Variants in SLC10A7 observed in about 807,000 individuals in gnomAD.
SLC10A7 encodes solute carrier family 10 member 7, also known as sodium/bile acid cotransporter 7.
Under a neutral mutation model 43.2 loss-of-function variants are expected in SLC10A7, and 29 were observed. That is an observed-to-expected ratio of 0.67 (90% CI 0.50 to 0.92). The LOEUF (loss-of-function observed/expected upper bound fraction) is 0.92. Among genes scored for constraint, SLC10A7 ranks in the 40% least tolerant of loss-of-function variants. SLC10A7 has a pLI of 0.00. For missense variants in SLC10A7, 295 were observed against 403.2 expected (o/e 0.73, Z 2.30); for synonymous variants, 152 against 144.8 (o/e 1.05, Z -0.35).
intron 4 of SLC10A7, among the ~76,000 whole-genome samples, chr4:146,484,758 G>A (rs1008958841): frequency 2.0e-5 from 3 of 152,018 alleles, no homozygotes; most frequent in African/African-American, 7.2e-5. Flanking sequence ...TATCAGATTA[G>A]CATAAATCAG....
chr4:146,411,407 T>A (rs1162159812), intron 5 of SLC10A7, among the ~76,000 whole-genome samples: 2 of 152,214 alleles, frequency 1.3e-5, no homozygotes, highest in Non-Finnish European at 2.9e-5. Flanking sequence ...TAAATATTTT[T>A]AAATATCTGT....
chr4:146,325,899 T>G, intron 6 of SLC10A7, 62 bp downstream of exon 6: 1 of 1,446,986 alleles, frequency 6.9e-7, no homozygotes, highest in Non-Finnish European at 9.5e-7. Flanking sequence ...CTAATGACCT[T>G]TCTTAAAGGG....
chr4:146,319,258 T>C (rs1320701298), intron 6 of SLC10A7, among the ~76,000 whole-genome samples: 1 of 152,098 alleles, frequency 6.6e-6, no homozygotes, highest in Non-Finnish European at 1.5e-5. Flanking sequence ...CACCTTGGTG[T>C]TTCTTAAGGA....
intron 5 of SLC10A7, among the ~76,000 whole-genome samples, chr4:146,434,556 T>C (rs1229783432): frequency 6.6e-6 from 1 of 151,946 alleles, no homozygotes; most frequent in Non-Finnish European, 1.5e-5. Context: ...TTACGTGAAG[T>C]TGTTTTTATT....
intron 6 of SLC10A7, among the ~76,000 whole-genome samples, chr4:146,307,026 T>C (rs954797564): frequency 1.3e-5 from 2 of 152,154 alleles, no homozygotes; most frequent in Admixed American, 6.6e-5. Flanking sequence ...GGGTACAGAA[T>C]GTCAAACAAA....
intron 5 of SLC10A7, among the ~76,000 whole-genome samples, chr4:146,335,675 A>G (rs1443565400): frequency 6.6e-6 from 1 of 152,050 alleles, no homozygotes; most frequent in Non-Finnish European, 1.5e-5. Context: ...ATCAAATACC[A>G]CCACTGAGCT....
intron 4 of SLC10A7, among the ~76,000 whole-genome samples, chr4:146,491,030 G>C (rs1215835522): frequency 6.6e-6 from 1 of 152,196 alleles, no homozygotes; most frequent in Non-Finnish European, 1.5e-5. Context: ...ATCTGATTAA[G>C]GGTGAGTGTC....
At chr4:146,471,922 CA>C (rs1733604824) in intron 4 of SLC10A7, among the ~76,000 whole-genome samples, 1 of 152,108 alleles carries the variant, frequency 6.6e-6, no homozygotes, top group Non-Finnish European at 1.5e-5. Flanking sequence ...TCACTTATAT[CA>C]AATTCACGAA....
At chr4:146,360,884 C>A (rs1259276420) in intron 5 of SLC10A7, among the ~76,000 whole-genome samples, 2 of 152,058 alleles carry the variant, frequency 1.3e-5, no homozygotes, top group African/African-American at 4.8e-5. Flanking sequence ...TAGGAGTCAA[C>A]AAATATACAG....
At chr4:146,341,444 GAACT>G (rs1398361567) in intron 5 of SLC10A7, among the ~76,000 whole-genome samples, 3 of 151,792 alleles carry the variant, frequency 2.0e-5, no homozygotes, top group African/African-American at 7.2e-5. Context: ...TCTGTATTTT[GAACT>G]AACTTGAATC....
rs955811013 is a variant in SLC10A7, at chr4:146,476,472, G to A, written c.396+27377C>T. On this transcript the variant is annotated intron_variant, in intron 4 of 11. Coordinates refer to ENST00000335472, the MANE Select transcript of SLC10A7 (RefSeq NM_001029998.6). ...TCAGTCTTCTCTTTAGCAAATGCCC[G>A]TTTAAATTGTGTGTGTGTTGGTGTG... is the stretch of plus-strand genomic sequence containing the variant. 3.3e-5 allele frequency among the ~76,000 whole-genome samples: 5 copies of A among 152,018 alleles called. No homozygotes were observed. The East Asian group carries it at 5.8e-4, about 18-fold the overall frequency.
At chr4:146,354,099 T>C (rs1735364751) in intron 5 of SLC10A7, among the ~76,000 whole-genome samples, 1 of 148,406 alleles carries the variant, frequency 6.7e-6, no homozygotes. Flanking sequence ...AGTCAAATTG[T>C]CCCTGTTTGC....
chr4:146,368,380 A>C lies in SLC10A7; in HGVS notation c.436-42384T>G, dbSNP rs533099777. On this transcript the variant is annotated intron_variant, in intron 5 of 11. Coordinates refer to ENST00000335472, the MANE Select transcript of SLC10A7 (RefSeq NM_001029998.6). ...CTGAATAAGAGTTTGAAAGCTTAAC[A>C]GTACAAATGTTCTCTCCATGGTACT... Among the ~76,000 whole-genome samples the C allele has an allele frequency of 7.1e-4, 108 of 152,354 alleles. 4 individuals carry two copies. The South Asian group carries it at 0.021, about 30-fold the overall frequency.
intron 5 of SLC10A7, among the ~76,000 whole-genome samples, chr4:146,435,470 A>G (rs1363555725): frequency 6.6e-6 from 1 of 152,206 alleles, no homozygotes; most frequent in Non-Finnish European, 1.5e-5. Flanking sequence ...AACATTATTT[A>G]CTCCAACAGT....
chr4:146,485,016 G>A (rs981918281), intron 4 of SLC10A7, among the ~76,000 whole-genome samples: 11 of 152,182 alleles, frequency 7.2e-5, no homozygotes, highest in African/African-American at 2.4e-4. Context: ...AGAACAAACT[G>A]TATAGACCAA....
intron 4 of SLC10A7, among the ~76,000 whole-genome samples, chr4:146,469,235 C>T (rs1479872344): frequency 6.6e-6 from 1 of 152,126 alleles, no homozygotes; most frequent in African/African-American, 2.4e-5. Flanking sequence ...AAAATAGTAA[C>T]ATAGGGATGA....
chr4:146,408,416 G>A (rs1460662126), intron 5 of SLC10A7, among the ~76,000 whole-genome samples: 4 of 151,968 alleles, frequency 2.6e-5, no homozygotes, highest in Non-Finnish European at 5.9e-5. Flanking sequence ...TGGGCGTGGT[G>A]GTGCACACCT....
chr4:146,384,403 T>C (rs1579050575), intron 5 of SLC10A7, among the ~76,000 whole-genome samples: 1 of 152,144 alleles, frequency 6.6e-6, no homozygotes, highest in Admixed American at 6.6e-5. Context: ...ACATAGGTTA[T>C]TATTTTATGA....
chr4:146,351,060 G>A (rs1168203747), intron 5 of SLC10A7, among the ~76,000 whole-genome samples: 2 of 151,376 alleles, frequency 1.3e-5, no homozygotes, highest in Non-Finnish European at 2.9e-5. Flanking sequence ...GAGAGAAGAA[G>A]GCTTCAGATG....
Sources: gnomAD v4.1 joint callset for allele counts (sites outside exome capture counted in the v4.1 genomes callset) on GRCh38, gnomAD v4.1.1 for gene constraint, MANE v1.5 for transcripts, NCBI Gene and HGNC (gene_info 2026-07-23, HGNC 2026-07-21) for gene names.